LIN28B: variants seen among roughly 807,000 people sequenced by gnomAD.
LIN28B encodes the protein protein lin-28 homolog B.
A neutral mutation model predicts 21.9 loss-of-function variants in LIN28B; 5 were observed. The ratio of observed to expected loss-of-function variants is 0.23; its 90% CI spans 0.12 to 0.48. The LOEUF (loss-of-function observed/expected upper bound fraction) is 0.48. Among genes scored for constraint, LIN28B ranks in the 20% least tolerant of loss-of-function variants. The pLI is 0.98. For synonymous variants in LIN28B, 109 were observed against 111.3 expected (o/e 0.98, Z 0.13); for missense variants, 245 against 310.5 (o/e 0.79, Z 1.58).
intron 3 of LIN28B, among the ~76,000 whole-genome samples, chr6:105,054,412 C>T (rs1562108413): frequency 6.6e-6 from 1 of 152,164 alleles, no homozygotes; most frequent in Non-Finnish European, 1.5e-5. Context: ...TTTATTTTGA[C>T]ATAATTTATA....
chr6:105,066,357 C>T (rs1478408626), intron 3 of LIN28B, among the ~76,000 whole-genome samples: 1 of 152,162 alleles, frequency 6.6e-6, no homozygotes. Flanking sequence ...AACTTCAAAG[C>T]TTTGAATAAC....
chr6:105,005,495 C>T (rs540507866), intron 2 of LIN28B, among the ~76,000 whole-genome samples: 1 of 152,192 alleles, frequency 6.6e-6, no homozygotes, highest in South Asian at 2.1e-4. Flanking sequence ...ATTTGTGTCC[C>T]TGCCCAAGTC....
intron 3 of LIN28B, among the ~76,000 whole-genome samples, chr6:105,044,695 T>G (rs1256818229): frequency 6.6e-6 from 1 of 152,206 alleles, no homozygotes; most frequent in Non-Finnish European, 1.5e-5. Flanking sequence ...AATTACTGTT[T>G]TAGTTTAAAA....
intron 3 of LIN28B, among the ~76,000 whole-genome samples, chr6:105,030,469 G>A (rs901877265): frequency 6.6e-6 from 1 of 152,016 alleles, no homozygotes; most frequent in Non-Finnish European, 1.5e-5. Context: ...ATTATGTGAA[G>A]CAGCCTTGAA....
At chr6:104,975,115 C>A (rs1297833548) in intron 2 of LIN28B, among the ~76,000 whole-genome samples, 1 of 152,074 alleles carries the variant, frequency 6.6e-6, no homozygotes, top group East Asian at 1.9e-4. Context: ...CCACCGCGCC[C>A]AGCCCTGGAT....
chr6:104,988,552 A>T (rs1582880670), intron 2 of LIN28B, among the ~76,000 whole-genome samples: 1 of 147,802 alleles, frequency 6.8e-6, no homozygotes, highest in African/African-American at 2.5e-5. Flanking sequence ...TAAACTACAT[A>T]TAGGAAGACT....
At chr6:105,061,836 A>G (rs1487161167) in intron 3 of LIN28B, among the ~76,000 whole-genome samples, 1 of 152,086 alleles carries the variant, frequency 6.6e-6, no homozygotes, top group African/African-American at 2.4e-5. Context: ...GAGGTCATGA[A>G]CAATGTGTAC....
At chr6:104,992,512 G>T (rs918786454) in intron 2 of LIN28B, among the ~76,000 whole-genome samples, 5 of 113,458 alleles carry the variant, frequency 4.4e-5, no homozygotes, top group African/African-American at 1.2e-4. Context: ...GTGTGTGTGT[G>T]TGTTTTTTTT....
At chr6:104,974,145 T>C (rs1446237788) in intron 2 of LIN28B, among the ~76,000 whole-genome samples, 3 of 152,216 alleles carry the variant, frequency 2.0e-5, no homozygotes, top group African/African-American at 7.2e-5. Context: ...AATTGTTTAC[T>C]TCCTTAGAAA....
intron 2 of LIN28B, among the ~76,000 whole-genome samples, chr6:105,023,260 A>T (rs1771174815): frequency 1.6e-5 from 1 of 64,004 alleles, no homozygotes; most frequent in African/African-American, 6.0e-5. Context: ...TTTATATATA[A>T]TTATTATTTA....
intron 3 of LIN28B, among the ~76,000 whole-genome samples, chr6:105,053,454 A>G (rs1224267286): frequency 6.8e-6 from 1 of 147,834 alleles, no homozygotes; most frequent in Non-Finnish European, 1.5e-5. Flanking sequence ...AAGGAATGTT[A>G]AATTTCAACT....
intron 2 of LIN28B, among the ~76,000 whole-genome samples, chr6:104,962,842 A>G (rs1326660232): frequency 1.3e-5 from 2 of 152,182 alleles, no homozygotes; most frequent in Non-Finnish European, 2.9e-5. Context: ...TAAAATGCCA[A>G]TTAAAAAAAA....
chr6:105,073,919 AGTT>A (rs1772377329), intron 3 of LIN28B, among the ~76,000 whole-genome samples: 1 of 152,148 alleles, frequency 6.6e-6, no homozygotes, highest in African/African-American at 2.4e-5. Flanking sequence ...CTGCTTATTC[AGTT>A]GTTTGGATCA....
chr6:105,039,591 A>G (rs1771591265), intron 3 of LIN28B, among the ~76,000 whole-genome samples: 2 of 152,138 alleles, frequency 1.3e-5, no homozygotes, highest in Admixed American at 6.5e-5. Context: ...TGAAAACATG[A>G]TAAACCCTAA....
chr6:104,998,192 C>T (rs533588209), intron 2 of LIN28B, among the ~76,000 whole-genome samples: 1 of 152,030 alleles, frequency 6.6e-6, no homozygotes, highest in Non-Finnish European at 1.5e-5. Flanking sequence ...TGTTATAAGA[C>T]CCCACAAGGT....
chr6:105,056,370 G>A (rs1772024292), intron 3 of LIN28B, among the ~76,000 whole-genome samples: 1 of 151,752 alleles, frequency 6.6e-6, no homozygotes, highest in South Asian at 2.1e-4. Context: ...TTTTGCTTTT[G>A]CCAATTTTGT....
intron 3 of LIN28B, among the ~76,000 whole-genome samples, chr6:105,075,431 A>G (rs185971910): frequency 6.6e-6 from 1 of 152,276 alleles, no homozygotes; most frequent in Admixed American, 6.5e-5. Flanking sequence ...ATGGAGAGTG[A>G]TCTGTACTCT....
At chr6:104,993,285 C>A (rs1770532707) in intron 2 of LIN28B, among the ~76,000 whole-genome samples, 1 of 151,982 alleles carries the variant, frequency 6.6e-6, no homozygotes, top group African/African-American at 2.4e-5. Context: ...TGCAACATAG[C>A]AAGACCCTGT....
rs1410716476 is a variant in LIN28B at position 105,026,437 on chromosome 6, G to T, written c.338G>T (p.Arg113Ile). The T allele has an allele frequency of 6.2e-7, 1 of 1,607,156 alleles. No homozygotes were observed. Among genetic ancestry groups the T allele is most frequent in the East Asian group, 2.2e-5 (1 of 44,778 alleles). Residue 113 changes from arginine to isoleucine, a missense_variant, in exon 3 of 4, where the codon AGA (arginine) becomes ATA (isoleucine). Arg to Ile is a moderately conservative substitution (Grantham distance 97). Transcript: ENST00000345080. ...AGCCCCTGTTTAGGAAGTGAAAGAAGACCCAAAGGGAAGACACTACAGAAA... is the reference window on the plus strand; with the variant it reads ...AGCCCCTGTTTAGGAAGTGAAAGAATACCCAAAGGGAAGACACTACAGAAA... ...GGSPCLGSERRPKGKTLQKRK... is the reference protein window; with the variant it reads ...GGSPCLGSERIPKGKTLQKRK...
Sources: gnomAD v4.1 joint callset for allele counts (sites outside exome capture counted in the v4.1 genomes callset) on GRCh38, gnomAD v4.1.1 for gene constraint, MANE v1.5 for transcripts, NCBI Gene and HGNC (gene_info 2026-07-23, HGNC 2026-07-21) for gene names.